The following RUNX2 variants were observed in gnomAD, a reference collection of about 807,000 sequenced individuals.
RUNX2 encodes the protein RUNX family transcription factor 2, also known as runt-related transcription factor 2.
In RUNX2, 10 loss-of-function variants were observed where a neutral mutation model predicts 51.7. The observed-to-expected ratio is 0.19, with a 90% CI of 0.12 to 0.33. The LOEUF (loss-of-function observed/expected upper bound fraction) is 0.33. Among genes scored for constraint, RUNX2 ranks in the 10% least tolerant of loss-of-function variants. RUNX2 has a pLI of 1.00. For missense variants in RUNX2, 562 were observed against 691.3 expected (o/e 0.81, Z 2.10); for synonymous variants, 276 against 273.6 (o/e 1.01, Z -0.09).
intron 2 of RUNX2, among the ~76,000 whole-genome samples, chr6:45,348,432 C>T (rs904339448): frequency 6.6e-6 from 1 of 150,538 alleles, no homozygotes; most frequent in African/African-American, 2.5e-5. Context: ...TTTGGGAGGC[C>T]GAGGTAGAAG....
intron 5 of RUNX2, among the ~76,000 whole-genome samples, chr6:45,475,453 G>A (rs1799930770): frequency 6.6e-6 from 1 of 152,160 alleles, no homozygotes; most frequent in African/African-American, 2.4e-5. Flanking sequence ...CTGGCTCCAT[G>A]TGCAGGTATA....
intron 8 of RUNX2, among the ~76,000 whole-genome samples, chr6:45,546,169 T>C (rs183776620): frequency 2.9e-4 from 44 of 152,012 alleles, no homozygotes; most frequent in South Asian, 1.0e-3. Context: ...CTAACTCCCA[T>C]TTTCAAAACC....
At position 45,449,706 on chromosome 6, in the gene RUNX2, G is replaced by C. The variant is rs78374991; in HGVS notation, c.685+11655G>C. On this transcript the variant is annotated intron_variant, in intron 5 of 8. Transcript: ENST00000647337. ...AGGCCTGGCACAGAGTGGGCATGCA[G>C]TTCATGGACATAGGCATGTTTGTTG... 6.3e-3 allele frequency among the ~76,000 whole-genome samples: 967 copies of C among 152,316 alleles called. 9 individuals are homozygous for C. The highest frequency in any genetic ancestry group is 0.022 in the African/African-American group (905 of 41,570).
At chr6:45,350,500 G>A (rs1055662144) in intron 2 of RUNX2, among the ~76,000 whole-genome samples, 1 of 152,116 alleles carries the variant, frequency 6.6e-6, no homozygotes. Flanking sequence ...TTACATTTTG[G>A]CTCAAGCTGC....
chr6:45,400,592 T>C (rs149973565), intron 2 of RUNX2, among the ~76,000 whole-genome samples: 13 of 152,376 alleles, frequency 8.5e-5, no homozygotes, highest in African/African-American at 2.9e-4. Flanking sequence ...GTTTACAGTC[T>C]TGTGATCACC....
chr6:45,352,805 T>C (rs1283969746), intron 2 of RUNX2, among the ~76,000 whole-genome samples: 2 of 152,098 alleles, frequency 1.3e-5, no homozygotes, highest in East Asian at 1.9e-4. Flanking sequence ...TTATTACTTA[T>C]ATTGCATAGA....
intron 5 of RUNX2, among the ~76,000 whole-genome samples, chr6:45,441,441 T>G (rs947830019): frequency 6.6e-6 from 1 of 152,186 alleles, no homozygotes; most frequent in Non-Finnish European, 1.5e-5. Flanking sequence ...ATCTTTTATG[T>G]GAGAATGATA....
intron 7 of RUNX2, among the ~76,000 whole-genome samples, chr6:45,525,996 AAAAAG>A (rs1260322988): frequency 6.6e-6 from 1 of 152,160 alleles, no homozygotes; most frequent in Non-Finnish European, 1.5e-5. Context: ...TCCAAAAAAA[AAAAAG>A]AAAACTAAAT....
chr6:45,375,612 T>C (rs1796670370), intron 2 of RUNX2, among the ~76,000 whole-genome samples: 1 of 151,916 alleles, frequency 6.6e-6, no homozygotes, highest in Non-Finnish European at 1.5e-5. Context: ...GGCCTGACCA[T>C]GATTCACTGC....
intron 7 of RUNX2, among the ~76,000 whole-genome samples, chr6:45,525,841 A>G (rs918821246): frequency 1.3e-5 from 2 of 152,086 alleles, no homozygotes; most frequent in African/African-American, 4.8e-5. Context: ...CAGAAAATAC[A>G]AAAATTAGCT....
intron 2 of RUNX2, among the ~76,000 whole-genome samples, chr6:45,363,757 G>T (rs1794665951): frequency 6.6e-6 from 1 of 151,946 alleles, no homozygotes; most frequent in Admixed American, 6.6e-5. Context: ...ACTTCACGCA[G>T]TTGCTAAATA....
At chr6:45,376,925 T>A (rs1796869999) in intron 2 of RUNX2, among the ~76,000 whole-genome samples, 1 of 152,198 alleles carries the variant, frequency 6.6e-6, no homozygotes, top group African/African-American at 2.4e-5. Context: ...ACACATTTCT[T>A]TCTACCGAAA....
chr6:45,543,773 T>G (rs757323952), intron 7 of RUNX2, among the ~76,000 whole-genome samples: 7 of 152,102 alleles, frequency 4.6e-5, no homozygotes, highest in Non-Finnish European at 8.8e-5. Flanking sequence ...AAACCTGAGT[T>G]CATGTACAAA....
At chr6:45,413,467 G>A (rs1797998614) in intron 2 of RUNX2, among the ~76,000 whole-genome samples, 1 of 97,660 alleles carries the variant, frequency 1.0e-5, no homozygotes, top group South Asian at 3.4e-4. Context: ...GAGACAGCCT[G>A]TTGCCCAGGC....
intron 2 of RUNX2, among the ~76,000 whole-genome samples, chr6:45,332,277 G>A (rs1787669083): frequency 6.6e-6 from 1 of 151,324 alleles, no homozygotes; most frequent in Non-Finnish European, 1.5e-5. Context: ...CATGAAAACT[G>A]TGGTAATATT....
intron 2 of RUNX2, among the ~76,000 whole-genome samples, chr6:45,379,846 CAG>C (rs1442142282): frequency 6.6e-5 from 10 of 150,720 alleles, no homozygotes; most frequent in Non-Finnish European, 1.3e-4. Context: ...AGCCTGGCAA[CAG>C]AACTAGACTC....
intron 7 of RUNX2, among the ~76,000 whole-genome samples, chr6:45,528,884 A>G (rs2150436891): frequency 6.6e-6 from 1 of 152,330 alleles, no homozygotes; most frequent in South Asian, 2.1e-4. Flanking sequence ...GAGGACTGAG[A>G]AATTGGGGCT....
chr6:45,423,051 T>G, intron 3 of RUNX2, 94 bp downstream of exon 3: 18 of 1,474,560 alleles, frequency 1.2e-5, no homozygotes, highest in Non-Finnish European at 1.5e-5. Context: ...CCGGACGTCC[T>G]CCAAGACCTC....
intron 8 of RUNX2, 88 bp from the exon 9 acceptor site, chr6:45,546,739 T>C: frequency 4.2e-6 from 5 of 1,196,958 alleles, no homozygotes; most frequent in Non-Finnish European, 6.1e-6. Context: ...AAGCTAAAGT[T>C]TTCTCTTTTT....
Sources: allele counts gnomAD v4.1 joint callset (sites outside exome capture counted in the v4.1 genomes callset), GRCh38; gene constraint gnomAD v4.1.1; transcripts MANE v1.5; gene names NCBI Gene and HGNC (gene_info 2026-07-23, HGNC 2026-07-21).